Variants in HABP4 observed in about 807,000 individuals in gnomAD.
HABP4 encodes intracellular hyaluronan-binding protein 4.
In HABP4, 32 loss-of-function variants were observed where a neutral mutation model predicts 44.1. The observed-to-expected ratio is 0.73, with a 90% CI of 0.55 to 0.97. HABP4 has a LOEUF of 0.97. Ranked by LOEUF, HABP4 falls within the 50% of genes least tolerant of loss-of-function variation. HABP4 has a pLI of 0.00. For missense variants in HABP4, 503 were observed against 561.9 expected, an observed-to-expected ratio of 0.90 and a Z score of 1.06; for synonymous variants, 216 against 218.0, an observed-to-expected ratio of 0.99 and a Z score of 0.08.
chr9:96,450,203 C>G lies in HABP4; in HGVS notation c.-77C>G. 1 of 1,227,312 alleles carries G rather than the reference C, an allele frequency of 8.1e-7. No individual in the cohort carries two copies. The highest frequency in any genetic ancestry group is 2.8e-5 in the South Asian group (1 of 36,278). The allele number at this position is 1,227,312 out of a possible 1,614,324, so 76.0% of individuals were successfully genotyped here. On this transcript the variant is annotated 5_prime_UTR_variant, in exon 1 of 8. Coordinates refer to ENST00000375249, the MANE Select transcript of HABP4 (RefSeq NM_014282.4). The surrounding 1 kb of genome is among the most constrained non-coding windows in gnomAD (Gnocchi z 4.8). ...AGGGCGGTGGCGGCGGAGCGGGCGGCATGGGTCCTGGCCGCCGGCTTCGCT... is the reference window on the plus strand; with the variant it reads ...AGGGCGGTGGCGGCGGAGCGGGCGGGATGGGTCCTGGCCGCCGGCTTCGCT...
rs1261455215 is a variant in HABP4 at position 96,471,020 on chromosome 9, G to C, written c.753G>C (p.Glu251Asp). 2.5e-6 allele frequency: 4 copies of C among 1,596,138 alleles called. No homozygotes were observed. Among genetic ancestry groups the C allele is most frequent in the Non-Finnish European group, 3.4e-6 (4 of 1,163,740 alleles). ...TCTTGCTGTTTTTCAGTGATGTGGA[G>C]CCAACTGCACCGATGGAGGAACCCA... ...WGSGKDTSDV[E>D]PTAPMEEPTV... The change falls in exon 5 of 8, where the codon GAG becomes GAC. Residue 251 changes from glutamate (E) to aspartate (D), a missense_variant. Glu to Asp is a conservative substitution (Grantham distance 45, BLOSUM62 2). Around this residue, in one of 3 missense-constraint regions of HABP4, gnomAD observed 131 missense variants for 189.8 expected, o/e 0.69. Transcript: ENST00000375249.
chr9:96,490,045 C>T lies in HABP4; in HGVS notation c.*7C>T. 6.3e-7 allele frequency: 1 copy of T among 1,578,386 alleles called. No individual in the cohort carries two copies. The highest frequency in any genetic ancestry group is 8.7e-7 in the Non-Finnish European group (1 of 1,147,282). On this transcript the variant is annotated 3_prime_UTR_variant, in exon 8 of 8. Transcript: ENST00000375249. ...TTTCCCTGCGCTGTCTTGAAAGAGC[C>T]CTGTTTCCCAGCACCGCGGAGCTGC...
chr9:96,450,131 C>T (rs1433720401), upstream of HABP4: 4 of 796,298 alleles, frequency 5.0e-6, no homozygotes, highest in Middle Eastern at 5.1e-4. This position sits in a 1 kb window ranked among gnomAD's most constrained non-coding sequence, Gnocchi z 4.8. Context: ...ACGGCGGCGG[C>T]GCCGCGGGGG....
chr9:96,472,313 G>A (rs1011926885), intron 5 of HABP4, among the ~76,000 whole-genome samples: 1 of 152,064 alleles, frequency 6.6e-6, no homozygotes, highest in Non-Finnish European at 1.5e-5. Flanking sequence ...CGGTTCTTGG[G>A]TTCACTCTTT....
chr9:96,459,014 A>G (rs1441226957), intron 2 of HABP4, among the ~76,000 whole-genome samples: 1 of 152,300 alleles, frequency 6.6e-6, no homozygotes, highest in African/African-American at 2.4e-5. Context: ...GTTACCTTAG[A>G]TGATGGGAAG....
intron 4 of HABP4, among the ~76,000 whole-genome samples, chr9:96,470,696 C>T (rs1587681110): frequency 6.6e-6 from 1 of 151,768 alleles, no homozygotes; most frequent in East Asian, 1.9e-4. Flanking sequence ...GAGTTCGAAA[C>T]CAGCCTGACC....
intron 1 of HABP4, among the ~76,000 whole-genome samples, chr9:96,456,776 AAAAAATATATATATATATATAT>A (rs1413078395): frequency 3.4e-4 from 22 of 64,488 alleles, no homozygotes; most frequent in East Asian, 1.3e-3. Context: ...AAAAAAAAAA[AAAAAATATATATATATATATAT>A]ATATATATAT....
At chr9:96,484,269 G>C in intron 5 of HABP4, 193 bp from the exon 6 acceptor site, 1 of 508,020 alleles carries the variant, frequency 2.0e-6, no homozygotes, top group East Asian at 3.3e-5. Context: ...AGTATCTTCT[G>C]TTGGCAGTGA....
Position 96,488,039 on chromosome 9 carries a change from T to G in HABP4, c.1000-50T>G. ...CTGCAGCCACTAAGCCAGATGAGTGTGGGGATGGCTGTGGACTTGTGCGTG... is the reference window on the plus strand; with the variant it reads ...CTGCAGCCACTAAGCCAGATGAGTGGGGGGATGGCTGTGGACTTGTGCGTG... On this transcript the variant is annotated intron_variant, in intron 6 of 7. Transcript: ENST00000375249. This position sits in a 1 kb window ranked among gnomAD's most constrained non-coding sequence, Gnocchi z 4.6. 7.7e-7 allele frequency: 1 copy of G among 1,297,118 alleles called. No individual in the cohort carries two copies. The highest frequency in any genetic ancestry group is 1.4e-5 in the African/African-American group (1 of 69,298). 80.4% of individuals were successfully genotyped at this position (1,297,118 alleles called of 1,614,324 possible).
intron 2 of HABP4, among the ~76,000 whole-genome samples, chr9:96,463,283 C>T (rs1832537832): frequency 6.7e-6 from 1 of 149,502 alleles, no homozygotes; most frequent in Non-Finnish European, 1.5e-5. Flanking sequence ...AAGACAAGGT[C>T]TCGCTTTGTT....
In HABP4 at chr9:96,490,071, A is replaced by G. The variant is rs757883164; in HGVS notation, c.*33A>G. On this transcript the variant is annotated 3_prime_UTR_variant, in exon 8 of 8. Transcript: ENST00000375249. ...CTGTTTCCCAGCACCGCGGAGCTGCACTGCACACCTGTGGGGAGACTTTTC... is the reference window on the plus strand; with the variant it reads ...CTGTTTCCCAGCACCGCGGAGCTGCGCTGCACACCTGTGGGGAGACTTTTC... The G allele has an allele frequency of 3.7e-6, 5 of 1,334,930 alleles. No individual in the cohort carries two copies. Among genetic ancestry groups the G allele is most frequent in the Non-Finnish European group, 5.4e-6 (5 of 924,934 alleles). The allele number at this position is 1,334,930 out of a possible 1,614,324, so 82.7% of individuals were successfully genotyped here. A position where few individuals can be genotyped will look rare whatever the true frequency, so the allele number is the denominator to read the frequency against.
Position 96,490,093 on chromosome 9 carries a change from T to C in HABP4, c.*55T>C. On this transcript the variant is annotated 3_prime_UTR_variant, in exon 8 of 8. Coordinates refer to ENST00000375249, the MANE Select transcript of HABP4 (RefSeq NM_014282.4). ...TGCACTGCACACCTGTGGGGAGACT[T>C]TTCCAGCTGGGCCAAGGGAGTCAGA... The C allele has an allele frequency of 1.9e-6, 2 of 1,044,420 alleles. No individual in the cohort carries two copies. The highest frequency in any genetic ancestry group is 3.0e-6 in the Non-Finnish European group (2 of 659,804). 64.7% of individuals were successfully genotyped at this position (1,044,420 alleles called of 1,614,324 possible).
chr9:96,466,165 T>C (rs1832598067), intron 4 of HABP4, among the ~76,000 whole-genome samples: 1 of 151,762 alleles, frequency 6.6e-6, no homozygotes, highest in Non-Finnish European at 1.5e-5. Context: ...AGGTCGGGAG[T>C]TTGAGACCAG....
intron 2 of HABP4, among the ~76,000 whole-genome samples, chr9:96,460,432 C>T (rs1156263749): frequency 1.3e-5 from 2 of 152,170 alleles, no homozygotes; most frequent in Non-Finnish European, 2.9e-5. Flanking sequence ...ACTTTAAATG[C>T]ATTTCCTAAA....
At chr9:96,471,297 C>G (rs2131139428) in intron 5 of HABP4, among the ~76,000 whole-genome samples, 1 of 152,258 alleles carries the variant, frequency 6.6e-6, no homozygotes, top group Non-Finnish European at 1.5e-5. Context: ...CGTGCGCCAC[C>G]ACGCCCAGCT....
chr9:96,482,636 C>T (rs936168429), intron 5 of HABP4, among the ~76,000 whole-genome samples: 1 of 152,200 alleles, frequency 6.6e-6, no homozygotes, highest in African/African-American at 2.4e-5. Flanking sequence ...ACCCCATGCC[C>T]ATTCAGCAGT....
At chr9:96,483,280 T>G (rs1353755129) in intron 5 of HABP4, 1 of 152,218 alleles carries the variant, frequency 6.6e-6, no homozygotes, top group Non-Finnish European at 1.5e-5. Flanking sequence ...ATATCTTCTC[T>G]GGAAAAATGT....
chr9:96,488,409 G>A lies in HABP4; in HGVS notation c.1185+135G>A, dbSNP rs765342070. ...GTAGCTAGTGTGGGACTGATGTTGGGGCATTTGGACGGTGTTGTAGCATCA... is the reference window on the plus strand; with the variant it reads ...GTAGCTAGTGTGGGACTGATGTTGGAGCATTTGGACGGTGTTGTAGCATCA... On this transcript the variant is annotated intron_variant, in intron 7 of 7. Transcript: ENST00000375249. This position sits in a 1 kb window ranked among gnomAD's most constrained non-coding sequence, Gnocchi z 4.6. 6 of 620,118 alleles carry A rather than the reference G, an allele frequency of 9.7e-6. No individual in the cohort carries two copies. The highest frequency in any genetic ancestry group is 1.8e-5 in the African/African-American group (1 of 54,152). 38.4% of individuals were successfully genotyped at this position (620,118 alleles called of 1,614,324 possible). A position where few individuals can be genotyped will look rare whatever the true frequency, so the allele number is the denominator to read the frequency against.
chr9:96,476,433 G>T (rs2131146564), intron 5 of HABP4, among the ~76,000 whole-genome samples: 1 of 152,220 alleles, frequency 6.6e-6, no homozygotes, highest in African/African-American at 2.4e-5. Flanking sequence ...TATCAAATTT[G>T]TATATAGCAT....
Sources: gnomAD v4.1 joint callset for allele counts (sites outside exome capture counted in the v4.1 genomes callset) on GRCh38, gnomAD v4.1.1 for gene constraint, gnomAD v4.1.1 regional missense constraint, Gnocchi (gnomAD v3.1) non-coding constraint, MANE v1.5 for transcripts, NCBI Gene and HGNC (gene_info 2026-07-23, HGNC 2026-07-21) for gene names.